The following CHST15 variants were observed in gnomAD, a reference collection of about 807,000 sequenced individuals.
The protein encoded by CHST15 is carbohydrate sulfotransferase 15.
A neutral mutation model predicts 53.6 loss-of-function variants in CHST15; 30 were observed. The observed-to-expected ratio is 0.56, with a 90% CI of 0.42 to 0.76. CHST15 has a LOEUF of 0.76. CHST15 is among the 30% of genes least tolerant of loss of function. CHST15 has a pLI of 0.00. For synonymous variants in CHST15, 296 were observed against 289.8 expected, an observed-to-expected ratio of 1.02 and a Z score of -0.22; for missense variants, 627 against 740.5, an observed-to-expected ratio of 0.85 and a Z score of 1.78.
chr10:124,044,407 G>A (rs1423938194), intron 3 of CHST15, among the ~76,000 whole-genome samples, 173 bp downstream of exon 3: 4 of 152,212 alleles, frequency 2.6e-5, no homozygotes, highest in Non-Finnish European at 5.9e-5. Flanking sequence ...CTGCATGGCT[G>A]GGAACCGAGT....
chr10:124,028,448 C>T (rs1436268505), intron 5 of CHST15, among the ~76,000 whole-genome samples: 2 of 152,176 alleles, frequency 1.3e-5, no homozygotes, highest in Non-Finnish European at 2.9e-5. Context: ...TTGTTCATAT[C>T]GTTTTTATAT....
At chr10:124,090,731 C>G (rs1590392235) in intron 1 of CHST15, among the ~76,000 whole-genome samples, 1 of 152,240 alleles carries the variant, frequency 6.6e-6, no homozygotes. Context: ...CCACGGTGAC[C>G]GTGCTGGGTC....
intron 2 of CHST15, among the ~76,000 whole-genome samples, chr10:124,045,450 C>T (rs1947959266): frequency 6.6e-6 from 1 of 152,184 alleles, no homozygotes; most frequent in East Asian, 1.9e-4. Context: ...CCTAGCCCAG[C>T]GTTCAGGACA....
At chr10:124,013,917 A>G (rs79165782) in intron 6 of CHST15, among the ~76,000 whole-genome samples, 343 of 152,312 alleles carry the variant, frequency 2.3e-3, no homozygotes, top group Non-Finnish European at 3.5e-3. Flanking sequence ...AAGCTGATAC[A>G]GCCTCCTGGC....
At chr10:124,026,245 A>G (rs1224936772) in intron 5 of CHST15, among the ~76,000 whole-genome samples, 1 of 152,158 alleles carries the variant, frequency 6.6e-6, no homozygotes, top group Non-Finnish European at 1.5e-5. Flanking sequence ...ACAGGGGAGC[A>G]CTGAGACGGG....
intron 1 of CHST15, among the ~76,000 whole-genome samples, chr10:124,079,775 C>T (rs1949179943): frequency 6.6e-6 from 1 of 152,230 alleles, no homozygotes; most frequent in Non-Finnish European, 1.5e-5. Flanking sequence ...TCTGTCACAG[C>T]CAGGGCCGGA....
intron 1 of CHST15, among the ~76,000 whole-genome samples, chr10:124,073,311 T>C (rs573119635): frequency 2.0e-5 from 3 of 152,214 alleles, no homozygotes; most frequent in East Asian, 1.9e-4. Flanking sequence ...AGAACCCAGA[T>C]ATAAAGGAGA....
At chr10:124,016,268 C>G (rs1946582372) in intron 6 of CHST15, among the ~76,000 whole-genome samples, 1 of 151,996 alleles carries the variant, frequency 6.6e-6, no homozygotes, top group Non-Finnish European at 1.5e-5. Flanking sequence ...GTGCCGGGGC[C>G]CAGGGTGCCT....
intron 5 of CHST15, among the ~76,000 whole-genome samples, chr10:124,033,197 C>A (rs962706490): frequency 6.6e-6 from 1 of 152,212 alleles, no homozygotes; most frequent in Non-Finnish European, 1.5e-5. Flanking sequence ...AACGCGCCAA[C>A]CATTTCAGAC....
rs568053125 is a variant in CHST15 at position 124,027,173 on chromosome 10, C to T, written c.1191-5761G>A. Reference sequence around the variant, plus strand: ...TGCTGCGGTTATTTTAGAAGGCTGTCGGCGCGGCCCCTCACACTGGGCCCG... The same window carrying T: ...TGCTGCGGTTATTTTAGAAGGCTGTTGGCGCGGCCCCTCACACTGGGCCCG... On this transcript the variant is annotated intron_variant, in intron 5 of 7. Coordinates refer to ENST00000435907, the MANE Select transcript of CHST15 (RefSeq NM_001270764.2). 5.3e-5 allele frequency among the ~76,000 whole-genome samples: 8 copies of T among 152,304 alleles called. No homozygotes were observed. The South Asian group carries it at 1.0e-3, about 20-fold the overall frequency.
chr10:124,007,927 G>C lies in CHST15; in HGVS notation c.*2222C>G, dbSNP rs1319894087. 12 of 1,232,010 alleles carry C rather than the reference G, an allele frequency of 9.7e-6. No homozygotes were observed. The highest frequency in any genetic ancestry group is 5.1e-6 in the Non-Finnish European group (5 of 987,978). The allele number at this position is 1,232,010 out of a possible 1,614,324, so 76.3% of individuals were successfully genotyped here. A position where few individuals can be genotyped will look rare whatever the true frequency, so the allele number is the denominator to read the frequency against. On this transcript the variant is annotated 3_prime_UTR_variant, in exon 8 of 8. Transcript: ENST00000435907. ...CACCGCCCAGAACGGAACCTATTCTGTCAGCAAGAGCCGGGCCTCGAATGA... is the reference window on the plus strand; with the variant it reads ...CACCGCCCAGAACGGAACCTATTCTCTCAGCAAGAGCCGGGCCTCGAATGA...
rs1354157345 is a variant in CHST15, at chr10:124,074,371, T to C, written c.-513+19098A>G. 2.0e-5 allele frequency among the ~76,000 whole-genome samples: 3 copies of C among 152,068 alleles called. No individual in the cohort carries two copies. The highest frequency in any genetic ancestry group is 6.5e-5 in the Admixed American group (1 of 15,274). On this transcript the variant is annotated intron_variant, in intron 1 of 7. Transcript: ENST00000435907. The surrounding 1 kb of genome is among the most constrained non-coding windows in gnomAD (Gnocchi z 4.4). The stretch of plus-strand genomic sequence containing the variant: ...GCAGTGAGCAGGAGACACTAAACAG[T>C]GTGCCACCCAACTGCAAAGGGCACA...
In CHST15 at chr10:124,074,403, G is replaced by C. The variant is rs1949013169; in HGVS notation, c.-513+19066C>G. Among the ~76,000 whole-genome samples, 1 of 152,218 alleles carries C rather than the reference G, an allele frequency of 6.6e-6. No individual in the cohort carries two copies. The highest frequency in any genetic ancestry group is 1.5e-5 in the Non-Finnish European group (1 of 68,042). On this transcript the variant is annotated intron_variant, in intron 1 of 7. Coordinates refer to ENST00000435907, the MANE Select transcript of CHST15 (RefSeq NM_001270764.2). The surrounding 1 kb of genome is among the most constrained non-coding windows in gnomAD (Gnocchi z 4.4). ...CCCAACTGCAAAGGGCACAATTCAG[G>C]TGGCAGGTAGGGGCGGGGGCCTAGT...
intron 1 of CHST15, among the ~76,000 whole-genome samples, chr10:124,075,329 AC>A (rs1369456380): frequency 2.0e-5 from 3 of 152,194 alleles, no homozygotes; most frequent in African/African-American, 7.2e-5. Context: ...GGCCTCCAGC[AC>A]TGCAGGCTTC....
In CHST15 at chr10:124,008,939, A is replaced by G. The variant is rs1444072816; in HGVS notation, c.*1210T>C. 2 of 1,288,940 alleles carry G rather than the reference A, an allele frequency of 1.6e-6. No individual in the cohort carries two copies. Among genetic ancestry groups the G allele is most frequent in the Non-Finnish European group, 2.0e-6 (2 of 988,528 alleles). 79.8% of individuals were successfully genotyped at this position (1,288,940 alleles called of 1,614,324 possible). A position where few individuals can be genotyped will look rare whatever the true frequency, so the allele number is the denominator to read the frequency against. The stretch of plus-strand genomic sequence containing the variant: ...GCTGCCAAGTGGCCTGGAAAATTCC[A>G]TGAAGAACACGGCTCTTAGAAACCT... On this transcript the variant is annotated 3_prime_UTR_variant, in exon 8 of 8. Coordinates refer to ENST00000435907, the MANE Select transcript of CHST15 (RefSeq NM_001270764.2).
At chr10:124,027,707 C>T (rs1478691582) in intron 5 of CHST15, among the ~76,000 whole-genome samples, 2 of 152,184 alleles carry the variant, frequency 1.3e-5, no homozygotes, top group Non-Finnish European at 2.9e-5. Context: ...CTTCACAACC[C>T]CATAATGAGA....
In CHST15 at chr10:124,010,170, C is replaced by T. The variant is rs770361113; in HGVS notation, c.1665G>A (p.Ala555=). The change falls in exon 8 of 8, where the codon GCG becomes GCA. Residue 555 remains alanine (A), a synonymous_variant. Transcript: ENST00000435907. The part of the protein sequence containing the change: ...ARLAQVLADE[A]FAWKTT ...GCTCTCACGTCGTCTTCCACGCAAACGCCTCATCCGCGAGGACCTGCGCCA... is the reference window on the plus strand; with the variant it reads ...GCTCTCACGTCGTCTTCCACGCAAATGCCTCATCCGCGAGGACCTGCGCCA... The T allele has an allele frequency of 1.7e-5, 27 of 1,613,040 alleles. No individual in the cohort carries two copies. In the Admixed American group the frequency reaches 4.0e-4, roughly 24 times the overall value.
At chr10:124,014,736 G>A (rs556456716) in intron 6 of CHST15, among the ~76,000 whole-genome samples, 1 of 152,318 alleles carries the variant, frequency 6.6e-6, no homozygotes, top group South Asian at 2.1e-4. Context: ...GAACTTTCCA[G>A]AAGGAAAGCA....
At chr10:124,027,887 G>A (rs924628864) in intron 5 of CHST15, among the ~76,000 whole-genome samples, 4 of 152,304 alleles carry the variant, frequency 2.6e-5, no homozygotes, top group Middle Eastern at 3.4e-3. Flanking sequence ...CCTGCCCTCC[G>A]AGCTTAGGCA....
Sources: allele counts gnomAD v4.1 joint callset (sites outside exome capture counted in the v4.1 genomes callset), GRCh38; gene constraint gnomAD v4.1.1; non-coding constraint Gnocchi (gnomAD v3.1); transcripts MANE v1.5; gene names NCBI Gene and HGNC (gene_info 2026-07-23, HGNC 2026-07-21).